HSD17B12: variants seen among roughly 807,000 people sequenced by gnomAD.
HSD17B12 encodes the protein very-long-chain 3-oxoacyl-CoA reductase.
HSD17B12 carries 32 observed loss-of-function variants against 39.3 expected under a neutral mutation model. The observed-to-expected ratio is 0.81, with a 90% CI of 0.61 to 1.09. HSD17B12 has a LOEUF of 1.09. Ranked by LOEUF, HSD17B12 falls within the 50% of genes least tolerant of loss-of-function variation. The pLI, the probability that HSD17B12 is intolerant of heterozygous loss-of-function variation, is 0.00. For synonymous variants in HSD17B12, 150 were observed against 146.7 expected, an observed-to-expected ratio of 1.02 and a Z score of -0.16; for missense variants, 342 against 382.9, an observed-to-expected ratio of 0.89 and a Z score of 0.89.
intron 9 of HSD17B12, among the ~76,000 whole-genome samples, chr11:43,844,113 T>A (rs1951452700): frequency 6.6e-6 from 1 of 152,220 alleles, no homozygotes; most frequent in African/African-American, 2.4e-5. Context: ...TATGTGGCCA[T>A]GTTTCCATTT....
At chr11:43,741,867 G>T (rs932006268) in intron 1 of HSD17B12, among the ~76,000 whole-genome samples, 8 of 149,802 alleles carry the variant, frequency 5.3e-5, no homozygotes, top group African/African-American at 1.7e-4. Flanking sequence ...CCAAGCAGCT[G>T]GGACTACAGG....
chr11:43,636,819 C>T, the HSD17B12 span, among the ~76,000 whole-genome samples: 1 of 152,012 alleles, frequency 6.6e-6, no homozygotes, highest in Admixed American at 6.6e-5. Flanking sequence ...TCGTAATATG[C>T]CTAATTCATC....
At chr11:43,683,495 T>C (rs1320308100) in intron 1 of HSD17B12, among the ~76,000 whole-genome samples, 1 of 152,276 alleles carries the variant, frequency 6.6e-6, no homozygotes, top group East Asian at 1.9e-4. Context: ...TAAGAGCAGC[T>C]CATCTTAAAC....
intron 6 of HSD17B12, among the ~76,000 whole-genome samples, chr11:43,824,127 G>A (rs900060371): frequency 6.6e-6 from 1 of 152,138 alleles, no homozygotes; most frequent in Non-Finnish European, 1.5e-5. Context: ...AGTGACTAGA[G>A]CTGAGTAGCT....
rs1304878976 is a variant in HSD17B12 at position 43,680,809 on chromosome 11, T to C, written c.-19T>C. 2.5e-6 allele frequency: 4 copies of C among 1,606,786 alleles called. No homozygotes were observed. The highest frequency in any genetic ancestry group is 2.7e-5 in the African/African-American group (2 of 74,766). On this transcript the variant is annotated 5_prime_UTR_variant, in exon 1 of 11. Coordinates refer to ENST00000278353, the MANE Select transcript of HSD17B12 (RefSeq NM_016142.3). ...TCGCTCTTTTCATTCACGAAGGTAGTGAGGCCTAGTGGAAAGCCATGGAGA... is the reference window on the plus strand; with the variant it reads ...TCGCTCTTTTCATTCACGAAGGTAGCGAGGCCTAGTGGAAAGCCATGGAGA...
At chr11:43,723,234 A>C (rs1362290660) in intron 1 of HSD17B12, among the ~76,000 whole-genome samples, 1 of 152,212 alleles carries the variant, frequency 6.6e-6, no homozygotes, top group Non-Finnish European at 1.5e-5. Flanking sequence ...AGATTGAATA[A>C]GGTGAATGGA....
chr11:43,807,749 A>C (rs1039032306), intron 4 of HSD17B12, among the ~76,000 whole-genome samples: 3 of 152,164 alleles, frequency 2.0e-5, no homozygotes, highest in Non-Finnish European at 2.9e-5. Flanking sequence ...GTGAACTGAC[A>C]AAGAGAGGTG....
intron 1 of HSD17B12, among the ~76,000 whole-genome samples, chr11:43,722,927 G>A (rs1371551561): frequency 6.6e-6 from 1 of 152,190 alleles, no homozygotes; most frequent in African/African-American, 2.4e-5. Flanking sequence ...GTGATGTGAT[G>A]TCATTTACTT....
chr11:43,813,716 CTT>C (rs1230193516), intron 4 of HSD17B12, among the ~76,000 whole-genome samples: 2 of 152,122 alleles, frequency 1.3e-5, no homozygotes, highest in African/African-American at 4.8e-5. Flanking sequence ...AGAATTGACT[CTT>C]GGGATGCCTG....
the HSD17B12 span, among the ~76,000 whole-genome samples, chr11:43,601,774 G>A: frequency 6.6e-6 from 1 of 152,152 alleles, no homozygotes; most frequent in Non-Finnish European, 1.5e-5. Flanking sequence ...CAGCTGTTCA[G>A]TTATTTCCAC....
chr11:43,656,640 G>T, the HSD17B12 span, among the ~76,000 whole-genome samples: 87 of 152,218 alleles, frequency 5.7e-4, no homozygotes, highest in African/African-American at 2.1e-3. Flanking sequence ...CTTTATTTCT[G>T]CCTTCATTTC....
chr11:43,756,882 G>T (rs1011416679), intron 3 of HSD17B12, among the ~76,000 whole-genome samples: 1 of 152,174 alleles, frequency 6.6e-6, no homozygotes, highest in African/African-American at 2.4e-5. Context: ...AGAGGATTCT[G>T]TTCAAACATT....
At chr11:43,773,567 T>G (rs964861207) in intron 3 of HSD17B12, among the ~76,000 whole-genome samples, 1 of 152,154 alleles carries the variant, frequency 6.6e-6, no homozygotes, top group Admixed American at 6.6e-5. Flanking sequence ...TTAGAGTAGT[T>G]TGAGTTCACA....
the HSD17B12 span, among the ~76,000 whole-genome samples, chr11:43,595,145 A>G: frequency 1.3e-5 from 2 of 152,248 alleles, no homozygotes; most frequent in Non-Finnish European, 1.5e-5. Context: ...TTGGTTTTCT[A>G]TAACAGCAGA....
At chr11:43,677,947 C>G (rs1949705641), upstream of HSD17B12, among the ~76,000 whole-genome samples, 1 of 152,156 alleles carries the variant, frequency 6.6e-6, no homozygotes, top group Non-Finnish European at 1.5e-5. Context: ...GGTATATACC[C>G]AGTAATGGGA....
At chr11:43,750,805 T>A (rs1950458386) in intron 1 of HSD17B12, 106 bp from the exon 2 acceptor site, 1 of 690,922 alleles carries the variant, frequency 1.4e-6, no homozygotes, top group Non-Finnish European at 2.5e-6. Context: ...GTCTTTTACA[T>A]CAAAGTGTCA....
intron 1 of HSD17B12, among the ~76,000 whole-genome samples, chr11:43,726,879 A>G (rs548944716): frequency 8.7e-4 from 133 of 152,348 alleles, no homozygotes; most frequent in African/African-American, 3.1e-3. Context: ...ATATAAATGT[A>G]TAAAAATAGT....
Position 43,713,434 on chromosome 11 carries a change from C to T in HSD17B12, c.160+32447C>T, listed in dbSNP as rs528252789. On this transcript the variant is annotated intron_variant, in intron 1 of 10. Transcript: ENST00000278353. ...GAGAATGATGGTTTCCAGCTTCATCCATGTCCCTACAAAGGACATGAACTC... is the reference window on the plus strand; with the variant it reads ...GAGAATGATGGTTTCCAGCTTCATCTATGTCCCTACAAAGGACATGAACTC... Among the ~76,000 whole-genome samples, 29 of 152,152 alleles carry T rather than the reference C, an allele frequency of 1.9e-4. No homozygotes were observed. The East Asian group carries it at 5.0e-3, about 26-fold the overall frequency.
At position 43,849,805 on chromosome 11, in the gene HSD17B12, T is replaced by C. The variant is rs11037677; in HGVS notation, c.685-4910T>C. Among the ~76,000 whole-genome samples the C allele has an allele frequency of 3.9e-3, 597 of 152,378 alleles. 6 individuals carry two copies. The East Asian group carries it at 0.045, about 11-fold the overall frequency. On this transcript the variant is annotated intron_variant, in intron 9 of 10. Coordinates refer to ENST00000278353, the MANE Select transcript of HSD17B12 (RefSeq NM_016142.3). Reference sequence around the variant, plus strand: ...GTAAGCTCTGTAAGATTAGGGACTCTGTTTTTATTCACAATGAATTTTATT... The same window carrying C: ...GTAAGCTCTGTAAGATTAGGGACTCCGTTTTTATTCACAATGAATTTTATT...
Sources: allele counts gnomAD v4.1 joint callset (sites outside exome capture counted in the v4.1 genomes callset), GRCh38; gene constraint gnomAD v4.1.1; transcripts MANE v1.5; gene names NCBI Gene and HGNC (gene_info 2026-07-23, HGNC 2026-07-21).